The following PCDHA6 variants were observed in gnomAD, a reference collection of about 807,000 sequenced individuals.
The protein encoded by PCDHA6 is protocadherin alpha-6.
In PCDHA6, 55 loss-of-function variants were observed where a neutral mutation model predicts 60.3. The observed-to-expected ratio is 0.91, with a 90% CI of 0.73 to 1.14. The LOEUF is 1.14. Ranked by LOEUF, PCDHA6 falls within the 50% of genes most tolerant of loss-of-function variation. The pLI is 0.00. For missense variants in PCDHA6, 1,327 were observed against 1,256.5 expected, an observed-to-expected ratio of 1.06 and a Z score of -0.85; for synonymous variants, 652 against 557.9, an observed-to-expected ratio of 1.17 and a Z score of -2.38.
At chr5:140,836,969 C>T (rs2150271753) in intron 1 of PCDHA6, 9 of 381,928 alleles carry the variant, frequency 2.4e-5, no homozygotes, top group Non-Finnish European at 3.7e-5. Flanking sequence ...TGGCTACTCT[C>T]CATTTTTGGA....
chr5:140,851,237 G>A (rs782702575), intron 1 of PCDHA6: 5 of 1,101,536 alleles, frequency 4.5e-6, no homozygotes, highest in African/African-American at 1.6e-5. Context: ...TTTATTTATT[G>A]CTAAATGATG....
intron 3 of PCDHA6, among the ~76,000 whole-genome samples, chr5:140,998,621 A>G (rs1167341355): frequency 5.3e-5 from 8 of 151,758 alleles, no homozygotes; most frequent in Admixed American, 3.9e-4. Context: ...CTGGAGTGCA[A>G]TGGCACAATC....
At chr5:140,875,251 A>T in intron 1 of PCDHA6, 1 of 1,029,376 alleles carries the variant, frequency 9.7e-7, no homozygotes. Context: ...ATAATCAGTC[A>T]CATGATGTCG....
chr5:140,843,708 G>T (rs2150365442), intron 1 of PCDHA6: 8 of 1,577,200 alleles, frequency 5.1e-6, no homozygotes, highest in African/African-American at 1.3e-5. Context: ...GTTGATCATG[G>T]CCTCAAAGTA....
chr5:140,968,363 G>T (rs1448494733), intron 1 of PCDHA6: 1 of 1,614,090 alleles, frequency 6.2e-7, no homozygotes, highest in East Asian at 2.2e-5. Context: ...CAGCCTTTAT[G>T]CTGTCAACTC....
rs2150350980 is a variant in PCDHA6 at position 140,843,047 on chromosome 5, G to A, written c.2394+12562G>A. On this transcript the variant is annotated intron_variant, in intron 1 of 3. Coordinates refer to ENST00000529310, the MANE Select transcript of PCDHA6 (RefSeq NM_018909.4). ...GCCTCGGGTGGGTGGCACTGGTGGC[G>A]CAGCGAGCAAGCTGGTGCCGCGGTC... 9.4e-6 allele frequency: 15 copies of A among 1,595,052 alleles called. 2 individuals carry two copies. The highest frequency in any genetic ancestry group is 1.2e-5 in the Non-Finnish European group (14 of 1,165,268).
At chr5:140,864,245 T>C (rs1189962615) in intron 1 of PCDHA6, 1 of 152,208 alleles carries the variant, frequency 6.6e-6, no homozygotes, top group Non-Finnish European at 1.5e-5. Flanking sequence ...TTCCTATTCA[T>C]TTTCTTATTC....
chr5:140,886,159 C>T (rs1006053368), intron 1 of PCDHA6, among the ~76,000 whole-genome samples: 16 of 152,164 alleles, frequency 1.1e-4, no homozygotes, highest in Non-Finnish European at 2.1e-4. Flanking sequence ...TTTTTATAGC[C>T]ACATCTGCTT....
At position 140,892,541 on chromosome 5, in the gene PCDHA6, T is replaced by C. The variant is rs192378744; in HGVS notation, c.2394+62056T>C. Among the ~76,000 whole-genome samples, 471 of 152,362 alleles carry C rather than the reference T, an allele frequency of 3.1e-3. 2 individuals are homozygous for C. Among genetic ancestry groups the C allele is most frequent in the African/African-American group, 0.011 (438 of 41,580 alleles). On this transcript the variant is annotated intron_variant, in intron 1 of 3. Coordinates refer to ENST00000529310, the MANE Select transcript of PCDHA6 (RefSeq NM_018909.4). ...CTGGTAGACTCAGGATTCTGACTTTTGTTTCTCTAGTCCTTGGAGACTGTC... is the reference window on the plus strand; with the variant it reads ...CTGGTAGACTCAGGATTCTGACTTTCGTTTCTCTAGTCCTTGGAGACTGTC...
intron 1 of PCDHA6, chr5:140,869,853 C>T: frequency 1.2e-6 from 2 of 1,610,606 alleles, no homozygotes; most frequent in South Asian, 2.2e-5. Flanking sequence ...ATAAGGTGAG[C>T]CTTATGGAAA....
chr5:140,868,877 C>T (rs1554162279), intron 1 of PCDHA6: 4 of 684,224 alleles, frequency 5.8e-6, no homozygotes, highest in South Asian at 2.2e-5. Flanking sequence ...GCACAGTACT[C>T]ACAGTTTTAG....
intron 1 of PCDHA6, chr5:140,866,298 G>A (rs2049270991): frequency 6.6e-6 from 1 of 152,134 alleles, no homozygotes; most frequent in African/African-American, 2.4e-5. Flanking sequence ...AAGTATAGAT[G>A]TTGATATTAT....
chr5:140,965,942 C>G (rs2095950444), intron 1 of PCDHA6, among the ~76,000 whole-genome samples: 2 of 152,330 alleles, frequency 1.3e-5, no homozygotes, highest in Admixed American at 1.3e-4. Flanking sequence ...AAGAGGGCAG[C>G]ATTTGCCATC....
intron 3 of PCDHA6, among the ~76,000 whole-genome samples, chr5:140,986,707 A>G (rs2097210304): frequency 6.6e-6 from 1 of 152,186 alleles, no homozygotes; most frequent in Admixed American, 6.5e-5. Flanking sequence ...AGCACTGCAG[A>G]AGATAACATT....
intron 1 of PCDHA6, among the ~76,000 whole-genome samples, chr5:140,899,418 C>T (rs552409062): frequency 1.3e-5 from 2 of 152,254 alleles, no homozygotes; most frequent in African/African-American, 4.8e-5. Context: ...TGAATTTTGT[C>T]AAAGGTCTTT....
chr5:140,988,024 A>G (rs2153870091), intron 3 of PCDHA6, among the ~76,000 whole-genome samples: 1 of 152,316 alleles, frequency 6.6e-6, no homozygotes, highest in East Asian at 1.9e-4. Flanking sequence ...ATGATTCTTA[A>G]GTTTTTTAGA....
chr5:140,884,319 C>T lies in PCDHA6; in HGVS notation c.2394+53834C>T. ...CCACAGGCTTCGTCGAGGGCGTCGG[C>T]AGGCGCTGTGGGTCCAGAAGCGGCG... On this transcript the variant is annotated intron_variant, in intron 1 of 3. Transcript: ENST00000529310. 6.2e-7 allele frequency: 1 copy of T among 1,613,800 alleles called. No homozygotes were observed. The highest frequency in any genetic ancestry group is 8.5e-7 in the Non-Finnish European group (1 of 1,179,860).
At chr5:140,865,143 T>C (rs142181937) in intron 1 of PCDHA6, 3 of 152,352 alleles carry the variant, frequency 2.0e-5, no homozygotes, top group Admixed American at 1.3e-4. Context: ...GAATTTAACA[T>C]TGTATACTTT....
intron 1 of PCDHA6, chr5:140,836,302 C>G: frequency 1.9e-6 from 3 of 1,613,734 alleles, no homozygotes; most frequent in East Asian, 2.2e-5. Flanking sequence ...CTAGATGAGA[C>G]GGACGCACCG....
Sources: allele counts gnomAD v4.1 joint callset (sites outside exome capture counted in the v4.1 genomes callset), GRCh38; gene constraint gnomAD v4.1.1; transcripts MANE v1.5; gene names NCBI Gene and HGNC (gene_info 2026-07-23, HGNC 2026-07-21).